The following BANK1 variants were observed in gnomAD, a reference collection of about 807,000 sequenced individuals.
BANK1 encodes the protein B cell scaffold protein with ankyrin repeats 1, also known as B-cell scaffold protein with ankyrin repeats.
Under a neutral mutation model 94.5 loss-of-function variants are expected in BANK1, and 95 were observed. That is an observed-to-expected ratio of 1.00 (90% CI 0.85 to 1.19). The LOEUF (loss-of-function observed/expected upper bound fraction) is 1.19. Ranked by LOEUF, BANK1 falls within the 50% of genes most tolerant of loss-of-function variation. The probability of loss-of-function intolerance (pLI) is 0.00; values close to 1 mark genes in which losing one functional copy is unlikely to be tolerated. For synonymous variants in BANK1, 334 were observed against 308.4 expected (o/e 1.08, Z -0.87); for missense variants, 987 against 932.2 (o/e 1.06, Z -0.77).
rs531935661 is a variant in BANK1, at chr4:101,943,804, A to C, written c.1206+25615A>C. ...TTCATAGCATTTTGTATTCATTGTT[A>C]TGAAATGCTCAAGCTCTGAAACTAT... is the stretch of plus-strand genomic sequence containing the variant. On this transcript the variant is annotated intron_variant, in intron 7 of 16. Transcript: ENST00000322953. Among the ~76,000 whole-genome samples the C allele has an allele frequency of 2.6e-5, 4 of 151,998 alleles. No individual in the cohort carries two copies. The East Asian group carries it at 7.8e-4, about 30-fold the overall frequency.
At chr4:102,060,158 C>A in intron 11 of BANK1, 53 bp from the exon 12 acceptor site, 2 of 1,448,886 alleles carry the variant, frequency 1.4e-6, no homozygotes, top group Admixed American at 2.7e-5. Flanking sequence ...GCTTTTGTTC[C>A]CAGTTGTCTA....
chr4:102,056,954 G>A (rs900159372), intron 11 of BANK1, among the ~76,000 whole-genome samples: 28 of 152,246 alleles, frequency 1.8e-4, no homozygotes, highest in Admixed American at 9.2e-4. Context: ...GCAGTGAGCC[G>A]AGATCACGCC....
At chr4:102,044,131 C>G (rs1309319477) in intron 11 of BANK1, among the ~76,000 whole-genome samples, 1 of 152,106 alleles carries the variant, frequency 6.6e-6, no homozygotes, top group Non-Finnish European at 1.5e-5. Context: ...GCTGCACCCA[C>G]TAACTTGTCA....
At chr4:101,814,557 G>A (rs1047869800) in intron 1 of BANK1, among the ~76,000 whole-genome samples, 15 of 152,120 alleles carry the variant, frequency 9.9e-5, no homozygotes, top group African/African-American at 2.4e-4. Flanking sequence ...TGCTTTATCC[G>A]TTGAGAACCT....
In BANK1 at chr4:101,852,721, G is replaced by A. The variant is rs144753781; in HGVS notation, c.470-2314G>A. On this transcript the variant is annotated intron_variant, in intron 2 of 16. Coordinates refer to ENST00000322953, the MANE Select transcript of BANK1 (RefSeq NM_017935.5). ...AGTTTTATCAATTACAACTTTTATC[G>A]CATAAGATATTTTTATCTTATTCCT... Among the ~76,000 whole-genome samples the A allele has an allele frequency of 6.6e-5, 10 of 151,416 alleles. No individual in the cohort carries two copies. The South Asian group carries it at 8.3e-4, about 13-fold the overall frequency.
intron 11 of BANK1, among the ~76,000 whole-genome samples, chr4:102,045,306 T>C (rs1276286952): frequency 2.0e-5 from 3 of 152,024 alleles, no homozygotes; most frequent in African/African-American, 7.2e-5. Flanking sequence ...AATAAGAGCG[T>C]ATCTATGACA....
At chr4:101,825,509 A>G (rs1254594868) in intron 1 of BANK1, among the ~76,000 whole-genome samples, 3 of 152,104 alleles carry the variant, frequency 2.0e-5, no homozygotes, top group Non-Finnish European at 4.4e-5. Flanking sequence ...TCATATGAAA[A>G]GAAAGAAAGT....
At chr4:101,807,286 C>T (rs1442785724) in intron 1 of BANK1, among the ~76,000 whole-genome samples, 1 of 152,158 alleles carries the variant, frequency 6.6e-6, no homozygotes, top group East Asian at 1.9e-4. Flanking sequence ...CTTTATATCA[C>T]TGCCGTAGAT....
chr4:101,938,410 A>G (rs1028504499), intron 7 of BANK1, among the ~76,000 whole-genome samples: 3 of 151,606 alleles, frequency 2.0e-5, no homozygotes, highest in Non-Finnish European at 4.4e-5. Context: ...TACTACAGTC[A>G]ATAATAATTG....
At chr4:101,938,157 C>T (rs974781347) in intron 7 of BANK1, among the ~76,000 whole-genome samples, 1 of 151,686 alleles carries the variant, frequency 6.6e-6, no homozygotes, top group Admixed American at 6.6e-5. Flanking sequence ...TTGATGGGTG[C>T]AGCAAACCAC....
chr4:102,009,805 G>T (rs1360740679), intron 7 of BANK1, among the ~76,000 whole-genome samples: 3 of 151,968 alleles, frequency 2.0e-5, no homozygotes, highest in African/African-American at 4.8e-5. Flanking sequence ...GTAAGTTATT[G>T]TTTTTATATT....
At chr4:101,928,227 CTAATT>C (rs1723227733) in intron 7 of BANK1, among the ~76,000 whole-genome samples, 1 of 151,536 alleles carries the variant, frequency 6.6e-6, no homozygotes, top group Non-Finnish European at 1.5e-5. Context: ...ATATTTTGCT[CTAATT>C]TAGTTTGTCC....
At chr4:101,862,501 A>C in intron 3 of BANK1, 25 bp from the exon 4 acceptor site, 1 of 1,580,928 alleles carries the variant, frequency 6.3e-7, no homozygotes. Context: ...CAAATGCTTA[A>C]ATGGGTTACA....
At chr4:101,820,897 A>G (rs1726117594) in intron 1 of BANK1, among the ~76,000 whole-genome samples, 1 of 151,954 alleles carries the variant, frequency 6.6e-6, no homozygotes, top group South Asian at 2.1e-4. Flanking sequence ...GGTTGATACC[A>G]TGTCTTTGCT....
At chr4:101,963,318 C>T (rs1437743913) in intron 7 of BANK1, among the ~76,000 whole-genome samples, 1 of 152,078 alleles carries the variant, frequency 6.6e-6, no homozygotes, top group Non-Finnish European at 1.5e-5. Flanking sequence ...TTTGTATTTA[C>T]CTGTATTAAA....
intron 7 of BANK1, among the ~76,000 whole-genome samples, chr4:101,940,081 C>A (rs939896583): frequency 1.3e-5 from 2 of 151,620 alleles, no homozygotes; most frequent in African/African-American, 4.8e-5. Context: ...TAATTCATTT[C>A]TTTGATTATT....
At chr4:101,882,496 G>T (rs1407700166) in intron 5 of BANK1, among the ~76,000 whole-genome samples, 1 of 152,090 alleles carries the variant, frequency 6.6e-6, no homozygotes, top group Non-Finnish European at 1.5e-5. Context: ...GGAAATATTT[G>T]CTATTCAAAA....
chr4:101,936,027 G>A (rs150079759), intron 7 of BANK1, among the ~76,000 whole-genome samples: 21 of 151,204 alleles, frequency 1.4e-4, no homozygotes, highest in South Asian at 6.3e-4. Flanking sequence ...AGTAAACCCC[G>A]CACAGACAAA....
intron 7 of BANK1, chr4:101,972,851 A>T (rs1725001526): frequency 6.6e-6 from 1 of 152,154 alleles, no homozygotes; most frequent in African/African-American, 2.4e-5. Context: ...ATAATTACAA[A>T]CTTCCACTGT....
Sources: gnomAD v4.1 joint callset for allele counts (sites outside exome capture counted in the v4.1 genomes callset) on GRCh38, gnomAD v4.1.1 for gene constraint, MANE v1.5 for transcripts, NCBI Gene and HGNC (gene_info 2026-07-23, HGNC 2026-07-21) for gene names.